PDIA6: variants seen among roughly 807,000 people sequenced by gnomAD.
PDIA6 encodes the protein protein disulfide isomerase family A member 6.
In PDIA6, 29 loss-of-function variants were observed where a neutral mutation model predicts 58.4. The observed-to-expected ratio is 0.50, with a 90% CI of 0.37 to 0.68. PDIA6 has a LOEUF of 0.68. PDIA6 is among the 30% of genes least tolerant of loss of function. The pLI is 0.00. For synonymous variants in PDIA6, 192 were observed against 202.6 expected (o/e 0.95, Z 0.44); for missense variants, 480 against 551.0 (o/e 0.87, Z 1.29).
intron 1 of PDIA6, among the ~76,000 whole-genome samples, chr2:10,819,636 C>G (rs1298692345): frequency 6.6e-6 from 1 of 152,134 alleles, no homozygotes; most frequent in Non-Finnish European, 1.5e-5. Context: ...GATTTCCAAC[C>G]CAGGGCCTTC....
intron 1 of PDIA6, chr2:10,820,674 G>A (rs754755514): frequency 3.0e-6 from 2 of 662,292 alleles, no homozygotes; most frequent in Non-Finnish European, 5.5e-6. Context: ...GGACTCTTTT[G>A]TCCTCACTAT....
At chr2:10,805,506 T>A (rs1666697015) in intron 1 of PDIA6, among the ~76,000 whole-genome samples, 1 of 80,466 alleles carries the variant, frequency 1.2e-5, no homozygotes, top group Non-Finnish European at 3.0e-5. Flanking sequence ...GTGTGGCGAT[T>A]CCTCAGGGAT....
At chr2:10,820,707 C>A in intron 1 of PDIA6, 1 of 699,898 alleles carries the variant, frequency 1.4e-6, no homozygotes. Flanking sequence ...TTTCTTTCTA[C>A]CTCCTGTATC....
rs1287624774 is a variant in PDIA6 at position 10,818,524 on chromosome 2, TTATTTATTTA to T, written c.34+740_34+749del. Reference sequence around the variant, plus strand: ...TTTATTTATTTATTTATTTATTTATTTATTTATTTATTTTGAGATGGAGTTTTGCTCTTGT... The same window carrying T: ...TTTATTTATTTATTTATTTATTTATTTTTTGAGATGGAGTTTTGCTCTTGT... On this transcript the variant is annotated intron_variant, in intron 2 of 13. Transcript: ENST00000381611. Among the ~76,000 whole-genome samples the T allele has an allele frequency of 5.1e-3, 612 of 120,380 alleles. 8 individuals carry two copies. Among genetic ancestry groups the T allele is most frequent in the African/African-American group, 0.011 (363 of 34,092 alleles). The allele number at this position is 120,380 out of a possible 152,430, so 79.0% of individuals were successfully genotyped here. A position where few individuals can be genotyped will look rare whatever the true frequency, so the allele number is the denominator to read the frequency against.
At chr2:10,830,194 G>A (rs763645344) in intron 1 of PDIA6, among the ~76,000 whole-genome samples, 7 of 152,204 alleles carry the variant, frequency 4.6e-5, no homozygotes, top group Admixed American at 6.5e-5. Flanking sequence ...GTGTGGGTGC[G>A]CAGCTTCAAG....
In PDIA6 at chr2:10,793,025, T is replaced by C. The variant is rs987736595; in HGVS notation, c.453+71A>G. The C allele has an allele frequency of 2.7e-5, 26 of 956,306 alleles. No individual in the cohort carries two copies. In the African/African-American group the frequency reaches 3.2e-4, roughly 12 times the overall value. 59.2% of individuals were successfully genotyped at this position (956,306 alleles called of 1,614,324 possible). A position where few individuals can be genotyped will look rare whatever the true frequency, so the allele number is the denominator to read the frequency against. On this transcript the variant is annotated intron_variant, in intron 5 of 12. Transcript: ENST00000272227. ...CTTTAACATACTGTTAAAAAACAACTATCTTATACAAGGTATCCACTCTGG... is the reference window on the plus strand; with the variant it reads ...CTTTAACATACTGTTAAAAAACAACCATCTTATACAAGGTATCCACTCTGG...
rs1392685712 is a variant in PDIA6 at position 10,791,775 on chromosome 2, A to T, written c.584+20T>A. ...TGAAAACACTGTGAATGAACAGACT[A>T]CTTAGTAGAAGGCACTTACTTTTTG... On this transcript the variant is annotated intron_variant, in intron 6 of 12. Coordinates refer to ENST00000272227, the MANE Select transcript of PDIA6 (RefSeq NM_005742.4). 1.2e-6 allele frequency: 2 copies of T among 1,609,500 alleles called. No homozygotes were observed. The highest frequency in any genetic ancestry group is 2.2e-5 in the South Asian group (2 of 90,104).
At chr2:10,806,046 G>C (rs2451230) in intron 1 of PDIA6, among the ~76,000 whole-genome samples, 3 of 96,526 alleles carry the variant, frequency 3.1e-5, no homozygotes, top group Admixed American at 1.2e-4. Context: ...AAAAAAAAAC[G>C]AAAAAAACCT....
intron 1 of PDIA6, among the ~76,000 whole-genome samples, chr2:10,822,509 G>C (rs547059447): frequency 1.8e-4 from 28 of 152,136 alleles, no homozygotes; most frequent in African/African-American, 6.5e-4. Flanking sequence ...TGATCCACCC[G>C]CCTCAGCCTC....
At chr2:10,806,622 TAAAGACA>T (rs1666763705) in intron 1 of PDIA6, among the ~76,000 whole-genome samples, 1 of 48,694 alleles carries the variant, frequency 2.1e-5, no homozygotes, top group African/African-American at 4.3e-5. Flanking sequence ...TCCTAAAAAA[TAAAGACA>T]GAAAGAAAGA....
upstream of PDIA6, among the ~76,000 whole-genome samples, chr2:10,833,765 G>A (rs1457000221): frequency 6.6e-6 from 1 of 152,226 alleles, no homozygotes; most frequent in Non-Finnish European, 1.5e-5. Flanking sequence ...ATGAAGTTAA[G>A]TGGATGTGGA....
rs773496197 is a variant in PDIA6 at position 10,788,769 on chromosome 2, C to G, written c.926G>C (p.Gly309Ala). The change falls in exon 10 of 13, where the codon GGA becomes GCA. Residue 309 changes from glycine (G) to alanine (A), a missense_variant and splice_region_variant. Transcript: ENST00000272227. ...CAGATAAGAATTTCTGCCTGCAGCT[C>G]CTGATTTAAATAGACAAAGTTTTTT... ...VAVLPHILDT[G>A]AAGRNSYLEV... The G allele has an allele frequency of 5.0e-6, 8 of 1,611,088 alleles. No homozygotes were observed. The highest frequency in any genetic ancestry group is 2.2e-5 in the South Asian group (2 of 91,010).
At chr2:10,821,685 C>T (rs866544637) in intron 1 of PDIA6, among the ~76,000 whole-genome samples, 8 of 151,632 alleles carry the variant, frequency 5.3e-5, no homozygotes, top group Non-Finnish European at 7.4e-5. Context: ...AGTGCAGTGA[C>T]GCAGTTATGG....
At chr2:10,834,334 C>A (rs891881847), upstream of PDIA6, among the ~76,000 whole-genome samples, 1 of 152,266 alleles carries the variant, frequency 6.6e-6, no homozygotes, top group South Asian at 2.1e-4. Flanking sequence ...GAGAGAAAGA[C>A]CCTCTCTGTG....
chr2:10,788,649 A>T (rs887887442), intron 10 of PDIA6, 48 bp downstream of exon 10: 3 of 1,233,472 alleles, frequency 2.4e-6, no homozygotes, highest in Non-Finnish European at 3.6e-6. Flanking sequence ...AAGAAAGCCT[A>T]TAATCAGCTG....
intron 3 of PDIA6, 122 bp from the exon 4 acceptor site, chr2:10,797,329 C>T: frequency 1.1e-6 from 1 of 923,428 alleles, no homozygotes; most frequent in South Asian, 1.7e-5. Context: ...AGTTTGCAAT[C>T]AGTCAATAAG....
chr2:10,803,319 G>A (rs772732832), intron 1 of PDIA6, among the ~76,000 whole-genome samples: 3 of 152,054 alleles, frequency 2.0e-5, no homozygotes, highest in African/African-American at 7.2e-5. Flanking sequence ...CATCACGCCC[G>A]GCTAATTTTG....
intron 1 of PDIA6, among the ~76,000 whole-genome samples, chr2:10,825,941 T>G (rs1297805555): frequency 6.6e-6 from 1 of 152,180 alleles, no homozygotes; most frequent in East Asian, 1.9e-4. Context: ...AATTCAACAG[T>G]TACCATGTGA....
At chr2:10,814,384 G>A (rs114986282), upstream of PDIA6, among the ~76,000 whole-genome samples, 369 of 152,258 alleles carry the variant, frequency 2.4e-3, 3 homozygotes, top group African/African-American at 8.0e-3. Context: ...TTGGTACCCC[G>A]GGCAGCTCCT....
Sources: gnomAD v4.1 joint callset for allele counts (sites outside exome capture counted in the v4.1 genomes callset) on GRCh38, gnomAD v4.1.1 for gene constraint, MANE v1.5 for transcripts, NCBI Gene and HGNC (gene_info 2026-07-23, HGNC 2026-07-21) for gene names.